The following RBFOX1 variants were observed in gnomAD, a reference collection of about 807,000 sequenced individuals.
RBFOX1 encodes RNA binding fox-1 homolog 1.
RBFOX1 carries 8 observed loss-of-function variants against 57.7 expected under a neutral mutation model. The ratio of observed to expected loss-of-function variants is 0.14; its 90% confidence interval spans 0.08 to 0.25. The LOEUF (loss-of-function observed/expected upper bound fraction) is 0.25, where lower values mean the gene tolerates loss of function less well. Among genes scored for constraint, RBFOX1 ranks in the 10% least tolerant of loss-of-function variants. The pLI is 1.00. For synonymous variants in RBFOX1, 326 were observed against 222.4 expected (o/e 1.47, Z -4.15); for missense variants, 611 against 548.5 (o/e 1.11, Z -1.14).
At chr16:6,548,047 C>A (rs2096920245) in intron 2 of RBFOX1, among the ~76,000 whole-genome samples, 1 of 152,114 alleles carries the variant, frequency 6.6e-6, no homozygotes, top group Non-Finnish European at 1.5e-5. Flanking sequence ...GACTATTCAT[C>A]GTAGTAAGAA....
chr16:6,575,065 G>C (rs1259914204), intron 2 of RBFOX1, among the ~76,000 whole-genome samples: 1 of 147,322 alleles, frequency 6.8e-6, no homozygotes, highest in African/African-American at 2.5e-5. Context: ...AAAAAAAACA[G>C]CATCCAGGAA....
At chr16:7,346,326 G>C (rs906174094) in intron 4 of RBFOX1, among the ~76,000 whole-genome samples, 3 of 151,772 alleles carry the variant, frequency 2.0e-5, no homozygotes, top group Non-Finnish European at 4.4e-5. Flanking sequence ...AGTAAACCAC[G>C]ATGGCAGAGG....
chr16:5,777,715 G>C (rs1007545916), intron 3 of RBFOX1, among the ~76,000 whole-genome samples: 5 of 152,076 alleles, frequency 3.3e-5, no homozygotes, highest in African/African-American at 1.2e-4. Context: ...CATCACACAG[G>C]GAAACACACA....
At chr16:6,188,110 T>G (rs992198437) in intron 1 of RBFOX1, among the ~76,000 whole-genome samples, 8 of 152,142 alleles carry the variant, frequency 5.3e-5, no homozygotes, top group Admixed American at 5.2e-4. Flanking sequence ...AAGTTTTCCC[T>G]CTATATTTGT....
intron 4 of RBFOX1, among the ~76,000 whole-genome samples, chr16:5,987,851 A>T (rs1435720061): frequency 1.3e-5 from 2 of 152,218 alleles, no homozygotes; most frequent in Non-Finnish European, 2.9e-5. Context: ...CCTGACACCC[A>T]GCTAAGCACT....
At chr16:6,694,052 C>G (rs1307734985) in intron 3 of RBFOX1, among the ~76,000 whole-genome samples, 1 of 152,216 alleles carries the variant, frequency 6.6e-6, no homozygotes, top group Non-Finnish European at 1.5e-5. Context: ...TCATATGTCA[C>G]TACTCAGATG....
chr16:7,061,140 G>C (rs895153937), intron 4 of RBFOX1, among the ~76,000 whole-genome samples: 1 of 152,158 alleles, frequency 6.6e-6, no homozygotes, highest in African/African-American at 2.4e-5. Context: ...TCCAAGCAAA[G>C]GGAGTTTGCC....
At chr16:7,005,313 C>G (rs1350288010) in intron 3 of RBFOX1, among the ~76,000 whole-genome samples, 1 of 152,132 alleles carries the variant, frequency 6.6e-6, no homozygotes, top group Non-Finnish European at 1.5e-5. Context: ...TCCTCCCTTT[C>G]AATGAGACTG....
chr16:5,522,966 A>G (rs8044252), intron 2 of RBFOX1, among the ~76,000 whole-genome samples: 43,703 of 147,542 alleles, frequency 0.3, 6,997 homozygotes, highest in Non-Finnish European at 0.36. Context: ...GGTTGATTCT[A>G]TAGGCTGTTG....
chr16:5,881,531 T>C (rs1419390051), intron 4 of RBFOX1, among the ~76,000 whole-genome samples: 1 of 151,796 alleles, frequency 6.6e-6, no homozygotes, highest in East Asian at 1.9e-4. Context: ...AATACAAAAA[T>C]TAGCTGGGTG....
intron 1 of RBFOX1, among the ~76,000 whole-genome samples, chr16:5,379,873 T>C (rs946727441): frequency 6.6e-5 from 10 of 152,162 alleles, no homozygotes; most frequent in African/African-American, 2.2e-4. Context: ...CTGGGTCATT[T>C]TTTAGGTCCT....
intron 1 of RBFOX1, among the ~76,000 whole-genome samples, chr16:5,461,219 T>C (rs777105784): frequency 1.3e-4 from 20 of 152,214 alleles, no homozygotes; most frequent in African/African-American, 3.9e-4. Context: ...GCATCTCTAA[T>C]AGTGGTGCAT....
intron 1 of RBFOX1, among the ~76,000 whole-genome samples, chr16:5,297,827 C>T (rs2063705653): frequency 6.6e-6 from 1 of 152,214 alleles, no homozygotes; most frequent in African/African-American, 2.4e-5. Flanking sequence ...TTAAATATTT[C>T]AGTCACATTA....
chr16:5,365,758 T>C (rs1030396866), intron 1 of RBFOX1: 6 of 473,990 alleles, frequency 1.3e-5, no homozygotes, highest in Non-Finnish European at 2.5e-5. Flanking sequence ...TTTATCTCTG[T>C]CCGCCTTCTC....
intron 3 of RBFOX1, among the ~76,000 whole-genome samples, chr16:5,734,024 C>T (rs558169319): frequency 6.6e-6 from 1 of 152,262 alleles, no homozygotes; most frequent in African/African-American, 2.4e-5. Flanking sequence ...ACTTCGTTGT[C>T]CATGTAATAA....
intron 1 of RBFOX1, among the ~76,000 whole-genome samples, chr16:5,370,577 C>G (rs1567402979): frequency 1.3e-5 from 2 of 151,958 alleles, no homozygotes; most frequent in East Asian, 1.9e-4. Flanking sequence ...AGCGTAGCCT[C>G]TAATTCCTGG....
At chr16:7,553,001 C>T (rs745526609) in intron 5 of RBFOX1, among the ~76,000 whole-genome samples, 22 of 151,942 alleles carry the variant, frequency 1.4e-4, no homozygotes, top group Admixed American at 3.3e-4. Context: ...CACTCTTAAG[C>T]ATACCTTCTC....
intron 4 of RBFOX1, among the ~76,000 whole-genome samples, chr16:7,115,193 A>C (rs935007074): frequency 5.9e-5 from 9 of 152,244 alleles, no homozygotes; most frequent in Non-Finnish European, 8.8e-5. Context: ...TATTTTTTTA[A>C]TTAACTGATG....
chr16:6,282,043 C>T (rs750498472), intron 1 of RBFOX1, among the ~76,000 whole-genome samples: 2 of 152,072 alleles, frequency 1.3e-5, no homozygotes, highest in African/African-American at 4.8e-5. Flanking sequence ...ATTAACTGTT[C>T]CTGAGTAGAG....
Sources: gnomAD v4.1 joint callset for allele counts (sites outside exome capture counted in the v4.1 genomes callset) on GRCh38, gnomAD v4.1.1 for gene constraint, MANE v1.5 for transcripts, NCBI Gene and HGNC (gene_info 2026-07-23, HGNC 2026-07-21) for gene names.